The following EDN1 variants were observed in gnomAD, a reference collection of about 807,000 sequenced individuals.
The protein encoded by EDN1 is endothelin 1.
EDN1 carries 11 observed loss-of-function variants against 21.7 expected under a neutral mutation model. The observed-to-expected ratio is 0.51, with a 90% CI of 0.32 to 0.84. EDN1 has a LOEUF of 0.84. EDN1 is among the 40% of genes least tolerant of loss of function. EDN1 has a pLI of 0.03. For synonymous variants in EDN1, 85 were observed against 90.6 expected (o/e 0.94, Z 0.35); for missense variants, 244 against 262.3 (o/e 0.93, Z 0.48).
chr6:12,245,817 G>C, the EDN1 span, among the ~76,000 whole-genome samples: 5 of 152,228 alleles, frequency 3.3e-5, no homozygotes, highest in African/African-American at 7.2e-5. Context: ...GTGTTGAAGG[G>C]AAAGAGGCTG....
At chr6:12,264,376 C>A in the EDN1 span, among the ~76,000 whole-genome samples, 1 of 152,106 alleles carries the variant, frequency 6.6e-6, no homozygotes, top group African/African-American at 2.4e-5. Flanking sequence ...AAGTGGGTTT[C>A]AGATAATGGT....
chr6:12,260,266 G>T, the EDN1 span, among the ~76,000 whole-genome samples: 1 of 152,052 alleles, frequency 6.6e-6, no homozygotes, highest in South Asian at 2.1e-4. Flanking sequence ...TTAAAAATTG[G>T]TGAAGACTTC....
chr6:12,289,535 C>T (rs1322890612), upstream of EDN1, among the ~76,000 whole-genome samples: 2 of 152,140 alleles, frequency 1.3e-5, no homozygotes, highest in African/African-American at 2.4e-5. Flanking sequence ...GTTCTTCTCC[C>T]GCCATGTCTT....
chr6:12,284,654 G>C, the EDN1 span, among the ~76,000 whole-genome samples: 1 of 144,022 alleles, frequency 6.9e-6, no homozygotes, highest in Non-Finnish European at 1.5e-5. Context: ...AAAAGAAAGG[G>C]AGAAAGAAAA....
chr6:12,263,941 G>A, the EDN1 span, among the ~76,000 whole-genome samples: 1 of 152,082 alleles, frequency 6.6e-6, no homozygotes, highest in Non-Finnish European at 1.5e-5. Flanking sequence ...ACTTGTTTGA[G>A]TTCATGAATT....
the EDN1 span, among the ~76,000 whole-genome samples, chr6:12,253,411 G>A: frequency 6.6e-6 from 1 of 152,148 alleles, no homozygotes; most frequent in South Asian, 2.1e-4. Context: ...ATATTCTACA[G>A]GAGAATCAGA....
intron 1 of EDN1, 65 bp downstream of exon 1, chr6:12,290,758 T>C (rs1423203737): frequency 7.4e-7 from 1 of 1,358,512 alleles, no homozygotes; most frequent in African/African-American, 1.4e-5. Flanking sequence ...TCCACCTTCA[T>C]GCTTTTCTTG....
At chr6:12,265,931 G>A in the EDN1 span, among the ~76,000 whole-genome samples, 5 of 152,206 alleles carry the variant, frequency 3.3e-5, no homozygotes, top group African/African-American at 1.2e-4. Context: ...GTTAAGTTGA[G>A]GGAACCCTTC....
chr6:12,247,020 A>G, the EDN1 span, among the ~76,000 whole-genome samples: 3 of 152,244 alleles, frequency 2.0e-5, no homozygotes, highest in Non-Finnish European at 2.9e-5. Flanking sequence ...ATTGATGACT[A>G]TATTTGGAAA....
At chr6:12,285,072 T>G in the EDN1 span, among the ~76,000 whole-genome samples, 1 of 152,146 alleles carries the variant, frequency 6.6e-6, no homozygotes, top group Admixed American at 6.5e-5. Context: ...TGAAATATGA[T>G]TCTAATATTA....
intron 4 of EDN1, among the ~76,000 whole-genome samples, 177 bp from the exon 5 acceptor site, chr6:12,295,785 A>T (rs1762808374): frequency 6.6e-6 from 1 of 152,118 alleles, no homozygotes; most frequent in Non-Finnish European, 1.5e-5. Context: ...GGCAGGCTTT[A>T]TTTTTACAAT....
At position 12,290,551 on chromosome 6, in the gene EDN1, T is replaced by C; in HGVS notation, c.-79T>C. The C allele has an allele frequency of 1.6e-6, 2 of 1,213,924 alleles. No homozygotes were observed. Among genetic ancestry groups the C allele is most frequent in the Non-Finnish European group, 2.4e-6 (2 of 819,720 alleles). 75.2% of individuals were successfully genotyped at this position (1,213,924 alleles called of 1,614,324 possible). ...GAGATCTGAGGAACCCGCAGCGCTT[T>C]GAGGGACCTGAAGCTGTTTTTCTTC... On this transcript the variant is annotated 5_prime_UTR_variant, in exon 1 of 5. Coordinates refer to ENST00000379375, the MANE Select transcript of EDN1 (RefSeq NM_001955.5).
At chr6:12,270,762 A>C in the EDN1 span, among the ~76,000 whole-genome samples, 3 of 152,168 alleles carry the variant, frequency 2.0e-5, no homozygotes, top group Non-Finnish European at 4.4e-5. Context: ...GGTTGGGTGG[A>C]ATGTTCCGTA....
At chr6:12,275,018 C>T in the EDN1 span, among the ~76,000 whole-genome samples, 3,891 of 137,896 alleles carry the variant, frequency 0.028, 169 homozygotes, top group African/African-American at 0.092. Flanking sequence ...TCCTTCCTTC[C>T]TTCTTTTCCC....
At chr6:12,242,760 T>C in the EDN1 span, among the ~76,000 whole-genome samples, 2 of 152,028 alleles carry the variant, frequency 1.3e-5, no homozygotes, top group Admixed American at 1.3e-4. Context: ...TTGACTACAC[T>C]GACCTTTCTG....
chr6:12,239,941 T>C, the EDN1 span, among the ~76,000 whole-genome samples: 2 of 151,402 alleles, frequency 1.3e-5, no homozygotes, highest in Non-Finnish European at 2.9e-5. Flanking sequence ...AGAAAGAAAA[T>C]AGAATAGCAT....
chr6:12,257,032 G>A, the EDN1 span, among the ~76,000 whole-genome samples: 5 of 123,234 alleles, frequency 4.1e-5, no homozygotes, highest in East Asian at 1.3e-3. Flanking sequence ...ATAATGAAGA[G>A]TATGAAAAAG....
At chr6:12,284,486 A>G in the EDN1 span, among the ~76,000 whole-genome samples, 1 of 151,470 alleles carries the variant, frequency 6.6e-6, no homozygotes, top group Non-Finnish European at 1.5e-5. Context: ...CCTGGGTGAC[A>G]GAGTGAGAAT....
the EDN1 span, among the ~76,000 whole-genome samples, chr6:12,252,422 A>G: frequency 6.6e-6 from 1 of 152,226 alleles, no homozygotes; most frequent in Non-Finnish European, 1.5e-5. Context: ...ATAAAAATTT[A>G]GGTTCCATTT....
Sources: gnomAD v4.1 joint callset for allele counts (sites outside exome capture counted in the v4.1 genomes callset) on GRCh38, gnomAD v4.1.1 for gene constraint, MANE v1.5 for transcripts, NCBI Gene and HGNC (gene_info 2026-07-23, HGNC 2026-07-21) for gene names.